LNPEP: variants seen among roughly 807,000 people sequenced by gnomAD.
LNPEP encodes the protein leucyl and cystinyl aminopeptidase, also known as leucyl-cystinyl aminopeptidase.
Under a neutral mutation model 120.6 loss-of-function variants are expected in LNPEP, and 64 were observed. The ratio of observed to expected loss-of-function variants is 0.53; its 90% CI spans 0.43 to 0.65. The LOEUF (loss-of-function observed/expected upper bound fraction) is 0.65. Ranked by LOEUF, LNPEP falls within the 30% of genes least tolerant of loss-of-function variation. The pLI, the probability that LNPEP is intolerant of heterozygous loss-of-function variation, is 0.00. For missense variants in LNPEP, 1,057 were observed against 1,200.0 expected, an observed-to-expected ratio of 0.88 and a Z score of 1.76; for synonymous variants, 435 against 425.4, an observed-to-expected ratio of 1.02 and a Z score of -0.28.
chr5:96,953,332 GAGAC>G (rs10566969), intron 1 of LNPEP, among the ~76,000 whole-genome samples: 61,058 of 151,788 alleles, frequency 0.4, 12,315 homozygotes, highest in Non-Finnish European at 0.43. Context: ...TATAGACACA[GAGAC>G]AGGTATAATC....
intron 1 of LNPEP, 101 bp downstream of exon 1, chr5:96,936,275 C>T (rs1169356435): frequency 2.0e-6 from 2 of 1,015,160 alleles, no homozygotes; most frequent in Admixed American, 8.1e-5. Context: ...TCTCCCCCAA[C>T]ACCGCGGGCT....
At chr5:97,001,096 T>C (rs1228833048) in intron 8 of LNPEP, among the ~76,000 whole-genome samples, 1 of 152,210 alleles carries the variant, frequency 6.6e-6, no homozygotes, top group Non-Finnish European at 1.5e-5. Context: ...GAAAGTACCG[T>C]GATATGGCTT....
intron 13 of LNPEP, among the ~76,000 whole-genome samples, chr5:97,016,817 C>T (rs901834034): frequency 6.6e-6 from 1 of 152,076 alleles, no homozygotes; most frequent in Non-Finnish European, 1.5e-5. Context: ...GCTTACTCAT[C>T]TCTTTAGGGC....
chr5:97,026,468 T>C (rs1363488398), intron 15 of LNPEP, 149 bp from the exon 16 acceptor site: 1 of 518,404 alleles, frequency 1.9e-6, no homozygotes, highest in Non-Finnish European at 3.3e-6. Flanking sequence ...ACATTTTCAA[T>C]CTATAGATCA....
chr5:96,965,797 C>A (rs927664220), intron 1 of LNPEP, among the ~76,000 whole-genome samples: 4 of 152,072 alleles, frequency 2.6e-5, no homozygotes, highest in African/African-American at 9.7e-5. Context: ...AGAATTTCTA[C>A]CTTGTTTGTT....
chr5:96,968,704 G>C (rs1398345508), intron 1 of LNPEP, among the ~76,000 whole-genome samples: 1 of 151,942 alleles, frequency 6.6e-6, no homozygotes, highest in Non-Finnish European at 1.5e-5. Flanking sequence ...CATTGGACCG[G>C]TATAATAAAT....
intron 1 of LNPEP, among the ~76,000 whole-genome samples, chr5:96,972,675 T>A (rs116874166): frequency 0.012 from 1,861 of 152,208 alleles, 43 homozygotes; most frequent in East Asian, 0.07. Flanking sequence ...GAGGTCACAC[T>A]CTGTTAGCTA....
intron 1 of LNPEP, among the ~76,000 whole-genome samples, chr5:96,956,390 C>T (rs1271614981): frequency 3.3e-5 from 5 of 152,114 alleles, no homozygotes; most frequent in Non-Finnish European, 7.3e-5. Flanking sequence ...TAGTGGCGCA[C>T]GCCTGTAGTC....
chr5:96,947,347 A>G (rs1561427186), intron 1 of LNPEP, among the ~76,000 whole-genome samples: 2 of 152,210 alleles, frequency 1.3e-5, no homozygotes, highest in African/African-American at 4.8e-5. Flanking sequence ...TAGGAAAAGA[A>G]AAAGAAAATT....
At chr5:96,972,263 G>T (rs1042586848) in intron 1 of LNPEP, among the ~76,000 whole-genome samples, 2 of 151,984 alleles carry the variant, frequency 1.3e-5, no homozygotes, top group African/African-American at 2.4e-5. Context: ...TTTTATTAGG[G>T]CTTGGTTTTA....
At chr5:96,978,984 C>T (rs1790061517) in intron 1 of LNPEP, among the ~76,000 whole-genome samples, 154 bp from the exon 2 acceptor site, 1 of 152,064 alleles carries the variant, frequency 6.6e-6, no homozygotes, top group Non-Finnish European at 1.5e-5. Flanking sequence ...GTATAAACAT[C>T]TTATTTAATT....
intron 1 of LNPEP, among the ~76,000 whole-genome samples, chr5:96,966,316 G>A (rs542182894): frequency 2.6e-5 from 4 of 152,078 alleles, no homozygotes; most frequent in South Asian, 2.1e-4. Context: ...GGGCAACATA[G>A]TGAGACCCTA....
chr5:96,949,338 T>TA (rs1177411512), intron 1 of LNPEP, among the ~76,000 whole-genome samples: 2 of 152,214 alleles, frequency 1.3e-5, no homozygotes, highest in Non-Finnish European at 2.9e-5. Context: ...AGGGTGGTAT[T>TA]AGAGTCCCAT....
intron 13 of LNPEP, among the ~76,000 whole-genome samples, chr5:97,020,607 C>A (rs1399672642): frequency 6.6e-6 from 1 of 152,094 alleles, no homozygotes; most frequent in East Asian, 1.9e-4. Context: ...TAGAGCCATC[C>A]TGACTAACAT....
intron 14 of LNPEP, among the ~76,000 whole-genome samples, chr5:97,023,628 C>T (rs532691002): frequency 4.4e-4 from 67 of 152,202 alleles, no homozygotes; most frequent in African/African-American, 1.5e-3. Context: ...TCCATTCATT[C>T]CTGGATAGAC....
Position 96,985,076 on chromosome 5 carries a change from T to G in LNPEP, c.861-4T>G, listed in dbSNP as rs776597382. The stretch of plus-strand genomic sequence containing the variant: ...CTACTGGATTGAATTTGTGTTTGTT[T>G]TAGGTACTTTGCAGCAACTCAGTTT... On this transcript the variant is annotated splice_polypyrimidine_tract_variant and splice_region_variant and intron_variant, in intron 2 of 17. Coordinates refer to ENST00000231368, the MANE Select transcript of LNPEP (RefSeq NM_005575.3). 2 of 1,613,766 alleles carry G rather than the reference T, an allele frequency of 1.2e-6. No homozygotes were observed. Among genetic ancestry groups the G allele is most frequent in the South Asian group, 1.1e-5 (1 of 91,068 alleles).
intron 11 of LNPEP, chr5:97,010,287 A>G: frequency 4.1e-6 from 4 of 971,272 alleles, no homozygotes; most frequent in Non-Finnish European, 4.9e-6. Flanking sequence ...CAAAACATTC[A>G]TGTTTCCAAA....
chr5:96,955,487 C>T (rs567578397), intron 1 of LNPEP, among the ~76,000 whole-genome samples: 3 of 152,064 alleles, frequency 2.0e-5, no homozygotes, highest in Non-Finnish European at 4.4e-5. Context: ...TGGTGATGCA[C>T]GCCTGTAGTC....
At chr5:96,986,505 A>C in intron 3 of LNPEP, 34 bp from the exon 4 acceptor site, 1 of 1,589,882 alleles carries the variant, frequency 6.3e-7, no homozygotes, top group Admixed American at 1.8e-5. Flanking sequence ...TTATTCCTAT[A>C]GTTACAGAAC....
Sources: gnomAD v4.1 joint callset for allele counts (sites outside exome capture counted in the v4.1 genomes callset) on GRCh38, gnomAD v4.1.1 for gene constraint, MANE v1.5 for transcripts, NCBI Gene and HGNC (gene_info 2026-07-23, HGNC 2026-07-21) for gene names.